Variants in CSMD3 observed in about 807,000 individuals in gnomAD.
CSMD3 encodes the protein CUB and sushi domain-containing protein 3.
In CSMD3, 177 loss-of-function variants were observed where a neutral mutation model predicts 435.2. The ratio of observed to expected loss-of-function variants is 0.41; its 90% CI spans 0.36 to 0.46. CSMD3 has a LOEUF of 0.46. Among genes scored for constraint, CSMD3 ranks in the 20% least tolerant of loss-of-function variants. The pLI, the probability that CSMD3 is intolerant of heterozygous loss-of-function variation, is 0.34. For synonymous variants in CSMD3, 1,656 were observed against 1,520.5 expected, an observed-to-expected ratio of 1.09 and a Z score of -2.07; for missense variants, 4,265 against 4,504.6, an observed-to-expected ratio of 0.95 and a Z score of 1.52.
intron 7 of CSMD3, among the ~76,000 whole-genome samples, chr8:112,962,953 G>A (rs2084286409): frequency 2.6e-5 from 4 of 151,900 alleles, no homozygotes. Context: ...GAGAACTATT[G>A]AATTAGAATC....
At chr8:113,195,101 A>G (rs746313416) in intron 3 of CSMD3, among the ~76,000 whole-genome samples, 18 of 151,100 alleles carry the variant, frequency 1.2e-4, no homozygotes, top group Non-Finnish European at 2.2e-4. Context: ...GGTTGTCCTT[A>G]TATTGTCTTT....
intron 10 of CSMD3, among the ~76,000 whole-genome samples, chr8:112,863,993 T>C (rs948544865): frequency 6.6e-6 from 1 of 152,132 alleles, no homozygotes; most frequent in Admixed American, 6.5e-5. Context: ...ACACTAGTGA[T>C]ACCATTCAAT....
intron 20 of CSMD3, among the ~76,000 whole-genome samples, chr8:112,639,823 C>T (rs2074769793): frequency 1.3e-5 from 2 of 152,182 alleles, no homozygotes; most frequent in South Asian, 4.1e-4. Flanking sequence ...ATCTATTTAC[C>T]TGTTCAACTG....
chr8:112,611,788 A>C (rs1258409110), intron 22 of CSMD3, among the ~76,000 whole-genome samples: 1 of 152,186 alleles, frequency 6.6e-6, no homozygotes, highest in Non-Finnish European at 1.5e-5. Flanking sequence ...AAGTGTGCAT[A>C]CAAAATACAC....
At chr8:113,417,350 C>T (rs2094586429) in intron 1 of CSMD3, among the ~76,000 whole-genome samples, 2 of 151,672 alleles carry the variant, frequency 1.3e-5, no homozygotes. Context: ...AATATATGCT[C>T]CAACTCTCAC....
Position 112,921,609 on chromosome 8 carries a change from A to T in CSMD3, c.1633+18T>A. 6.2e-7 allele frequency: 1 copy of T among 1,604,136 alleles called. No homozygotes were observed. Among genetic ancestry groups the T allele is most frequent in the Non-Finnish European group, 8.5e-7 (1 of 1,171,324 alleles). On this transcript the variant is annotated intron_variant, in intron 10 of 70. Coordinates refer to ENST00000297405, the MANE Select transcript of CSMD3 (RefSeq NM_198123.2). ...AACTATTAAAATGTGTTCAGAGGGC[A>T]TTATTATAAAACATTACCTTTACAC...
chr8:112,283,058 A>AT (rs1300863726), intron 58 of CSMD3, among the ~76,000 whole-genome samples: 4 of 152,070 alleles, frequency 2.6e-5, no homozygotes, highest in Non-Finnish European at 5.9e-5. Context: ...CTGAGTTAGT[A>AT]TTAACATCAC....
chr8:113,068,754 T>C (rs1024463056), intron 5 of CSMD3, among the ~76,000 whole-genome samples: 3 of 152,130 alleles, frequency 2.0e-5, no homozygotes, highest in Non-Finnish European at 2.9e-5. Flanking sequence ...TATTTGACTG[T>C]TGATGTTCTT....
At chr8:112,232,498 A>T (rs1032848936) in intron 68 of CSMD3, among the ~76,000 whole-genome samples, 7 of 152,132 alleles carry the variant, frequency 4.6e-5, no homozygotes, top group Non-Finnish European at 1.0e-4. Context: ...AATCCCAGCT[A>T]TTCAGGAGGC....
At chr8:113,069,542 A>G (rs1564278217) in intron 5 of CSMD3, among the ~76,000 whole-genome samples, 1 of 152,134 alleles carries the variant, frequency 6.6e-6, no homozygotes, top group Non-Finnish European at 1.5e-5. Flanking sequence ...CAAAAATCTG[A>G]CTTACAGTGG....
chr8:112,437,015 C>T (rs1049131772), intron 32 of CSMD3, among the ~76,000 whole-genome samples: 4 of 151,938 alleles, frequency 2.6e-5, no homozygotes, highest in South Asian at 2.1e-4. Context: ...GGCTAAAAGA[C>T]GGGTTCTTAT....
Position 113,378,485 on chromosome 8 carries a change from C to T in CSMD3, c.178+58192G>A, listed in dbSNP as rs1332168106. Reference sequence around the variant, plus strand: ...TATAAAGAAAAGAATAGTATTTAATCCTCAGAGGATAGGGTAGATAGTAGT... The same window carrying T: ...TATAAAGAAAAGAATAGTATTTAATTCTCAGAGGATAGGGTAGATAGTAGT... On this transcript the variant is annotated intron_variant, in intron 1 of 70. Transcript: ENST00000297405. Among the ~76,000 whole-genome samples, 3 of 152,122 alleles carry T rather than the reference C, an allele frequency of 2.0e-5. No homozygotes were observed. In the East Asian group the frequency reaches 5.8e-4, roughly 29 times the overall value.
At chr8:112,978,005 G>A (rs1587812437) in intron 6 of CSMD3, among the ~76,000 whole-genome samples, 1 of 152,046 alleles carries the variant, frequency 6.6e-6, no homozygotes, top group East Asian at 1.9e-4. Context: ...ATCATGATGA[G>A]CTCATGTGCT....
At chr8:112,749,097 T>C (rs1315378958) in intron 13 of CSMD3, among the ~76,000 whole-genome samples, 2 of 152,146 alleles carry the variant, frequency 1.3e-5, no homozygotes, top group Non-Finnish European at 2.9e-5. Context: ...ATCAGTGATA[T>C]TGAGCTTTTT....
chr8:113,040,821 A>G (rs1014521245), intron 5 of CSMD3, among the ~76,000 whole-genome samples: 1 of 152,114 alleles, frequency 6.6e-6, no homozygotes, highest in African/African-American at 2.4e-5. Context: ...GATATGCACT[A>G]AGACAGTGAG....
chr8:113,239,436 C>T (rs200671408), intron 3 of CSMD3, among the ~76,000 whole-genome samples: 9 of 152,040 alleles, frequency 5.9e-5, no homozygotes, highest in Admixed American at 5.9e-4. Flanking sequence ...ATTTAGATAT[C>T]TGAAACATCA....
chr8:112,828,296 T>C (rs1199287360), intron 12 of CSMD3, among the ~76,000 whole-genome samples: 3 of 152,122 alleles, frequency 2.0e-5, no homozygotes, highest in Admixed American at 1.3e-4. Flanking sequence ...ATAACTGATA[T>C]AGTTTGGATT....
At chr8:112,574,248 T>G (rs913259572) in intron 23 of CSMD3, among the ~76,000 whole-genome samples, 1 of 152,052 alleles carries the variant, frequency 6.6e-6, no homozygotes, top group African/African-American at 2.4e-5. Context: ...TTTCTGAAAG[T>G]ATAACTGCTT....
intron 5 of CSMD3, among the ~76,000 whole-genome samples, chr8:113,070,992 C>G (rs1349926918): frequency 6.6e-6 from 1 of 151,868 alleles, no homozygotes; most frequent in African/African-American, 2.4e-5. Context: ...AATCTTTTGT[C>G]CTTTATCTAA....
Sources: allele counts gnomAD v4.1 joint callset (sites outside exome capture counted in the v4.1 genomes callset), GRCh38; gene constraint gnomAD v4.1.1; transcripts MANE v1.5; gene names NCBI Gene and HGNC (gene_info 2026-07-23, HGNC 2026-07-21).